Variants in MTMR7 observed in about 807,000 individuals in gnomAD.
MTMR7 encodes the protein phosphatidylinositol-3-phosphate phosphatase MTMR7.
In MTMR7, 76 loss-of-function variants were observed where a neutral mutation model predicts 81.2. The ratio of observed to expected loss-of-function variants is 0.94; its 90% confidence interval spans 0.78 to 1.13. The LOEUF (loss-of-function observed/expected upper bound fraction) is 1.13. Among genes scored for constraint, MTMR7 ranks in the 50% most tolerant of loss-of-function variants. MTMR7 has a pLI of 0.00. For synonymous variants in MTMR7, 372 were observed against 289.8 expected (o/e 1.28, Z -2.88); for missense variants, 1,044 against 820.0 (o/e 1.27, Z -3.34).
At chr8:17,397,413 C>T (rs73551365) in intron 1 of MTMR7, among the ~76,000 whole-genome samples, 17,952 of 152,034 alleles carry the variant, frequency 0.12, 1,167 homozygotes, top group African/African-American at 0.15. Flanking sequence ...GGGCTTTAAG[C>T]GAACGTCGGT....
At chr8:17,306,037 A>C in intron 10 of MTMR7, 80 bp from the exon 11 acceptor site, 1 of 1,109,844 alleles carries the variant, frequency 9.0e-7, no homozygotes. Context: ...AACAACCATA[A>C]AAGCAACCCT....
At chr8:17,339,752 G>A (rs189654740) in intron 6 of MTMR7, among the ~76,000 whole-genome samples, 113 of 152,138 alleles carry the variant, frequency 7.4e-4, no homozygotes, top group African/African-American at 2.5e-3. Context: ...ATTTCTCTTG[G>A]TTATATACCT....
rs1229199712 is a variant in MTMR7 at position 17,370,245 on chromosome 8, C to T, written c.310+792G>A. 2.6e-5 allele frequency among the ~76,000 whole-genome samples: 4 copies of T among 151,522 alleles called. No individual in the cohort carries two copies. The South Asian group carries it at 6.2e-4, about 24-fold the overall frequency. ...TTATTATCAAAAAGCAATGGAGGTG[C>T]AGGCATGGTAGTTCACTCCTGTAAT... is the stretch of plus-strand genomic sequence containing the variant. On this transcript the variant is annotated intron_variant, in intron 3 of 13. Transcript: ENST00000180173.
chr8:17,368,109 G>C (rs11785055), intron 3 of MTMR7, among the ~76,000 whole-genome samples: 2 of 152,022 alleles, frequency 1.3e-5, no homozygotes, highest in African/African-American at 4.8e-5. Context: ...GATAGTTTCA[G>C]GATGAAACTC....
intron 1 of MTMR7, among the ~76,000 whole-genome samples, chr8:17,384,927 T>C (rs943213974): frequency 6.6e-6 from 1 of 152,046 alleles, no homozygotes; most frequent in African/African-American, 2.4e-5. Flanking sequence ...TCCAAGAAAA[T>C]ATATGACACA....
chr8:17,361,806 T>C (rs1820069312), intron 3 of MTMR7, among the ~76,000 whole-genome samples: 1 of 152,186 alleles, frequency 6.6e-6, no homozygotes, highest in Admixed American at 6.5e-5. Context: ...CATCTGAACT[T>C]TAAACAACTA....
At chr8:17,308,831 C>T (rs1817632096) in intron 10 of MTMR7, among the ~76,000 whole-genome samples, 1 of 152,190 alleles carries the variant, frequency 6.6e-6, no homozygotes, top group South Asian at 2.1e-4. Context: ...CTGAAGCCTT[C>T]ATCACCACTC....
intron 1 of MTMR7, among the ~76,000 whole-genome samples, chr8:17,390,849 C>T (rs187073861): frequency 2.0e-5 from 3 of 152,188 alleles, no homozygotes; most frequent in South Asian, 2.1e-4. Context: ...GGGGAAACCA[C>T]CCCTGTGATC....
At chr8:17,381,749 C>G (rs1374126193) in intron 1 of MTMR7, among the ~76,000 whole-genome samples, 1 of 152,174 alleles carries the variant, frequency 6.6e-6, no homozygotes, top group African/African-American at 2.4e-5. Context: ...GCAGCCAAAA[C>G]CAAAGACAAG....
At chr8:17,311,770 T>G in intron 8 of MTMR7, 134 bp from the exon 9 acceptor site, 1 of 1,393,870 alleles carries the variant, frequency 7.2e-7, no homozygotes, top group Non-Finnish European at 9.8e-7. Context: ...TTCGTCTGTT[T>G]AGGGCCCCCC....
At chr8:17,353,917 G>A (rs748045913) in intron 4 of MTMR7, among the ~76,000 whole-genome samples, 1 of 152,160 alleles carries the variant, frequency 6.6e-6, no homozygotes, top group African/African-American at 2.4e-5. Flanking sequence ...CTATACGCCA[G>A]GCATTACTCT....
rs1173859266 is a variant in MTMR7, at chr8:17,298,885, TA to T, written c.*976del. On this transcript the variant is annotated 3_prime_UTR_variant, in exon 14 of 14. Coordinates refer to ENST00000180173, the MANE Select transcript of MTMR7 (RefSeq NM_004686.5). ...GATGTTACTAAGGTTAATTAAACCA[TA>T]TTAGCCAGTTACATAATTTCTAAAA... is the stretch of plus-strand genomic sequence containing the variant. The T allele has an allele frequency of 6.6e-6, 1 of 152,218 alleles. No homozygotes were observed. Among genetic ancestry groups the T allele is most frequent in the Non-Finnish European group, 1.5e-5 (1 of 68,006 alleles). 9.4% of individuals were successfully genotyped at this position (152,218 alleles called of 1,614,324 possible).
chr8:17,357,925 T>G (rs1243673730), intron 4 of MTMR7, among the ~76,000 whole-genome samples: 2 of 152,200 alleles, frequency 1.3e-5, no homozygotes, highest in Non-Finnish European at 2.9e-5. Context: ...CTTCTCTACT[T>G]TGTAGGATGA....
intron 3 of MTMR7, 40 bp downstream of exon 3, chr8:17,370,997 A>C: frequency 6.3e-7 from 1 of 1,589,154 alleles, no homozygotes; most frequent in Non-Finnish European, 8.6e-7. Context: ...CAAATTTTTA[A>C]GAGAGGTTCC....
intron 1 of MTMR7, among the ~76,000 whole-genome samples, chr8:17,384,535 T>A (rs774027195): frequency 1.3e-5 from 2 of 152,144 alleles, no homozygotes; most frequent in Non-Finnish European, 2.9e-5. Context: ...ACAGAAACAA[T>A]AGAGTATGCA....
intron 2 of MTMR7, among the ~76,000 whole-genome samples, chr8:17,371,692 AAAG>A (rs1040303063): frequency 2.6e-5 from 4 of 152,148 alleles, no homozygotes; most frequent in African/African-American, 9.7e-5. Context: ...GCAGGCTGCA[AAAG>A]AAGGGATTTA....
intron 6 of MTMR7, 90 bp downstream of exon 6, chr8:17,341,273 C>G: frequency 2.6e-6 from 4 of 1,540,784 alleles, no homozygotes; most frequent in Non-Finnish European, 3.5e-6. Context: ...ATGAAGCAAC[C>G]TGCACAAGAG....
intron 3 of MTMR7, among the ~76,000 whole-genome samples, chr8:17,369,703 T>A (rs1264966382): frequency 6.9e-6 from 1 of 145,898 alleles, no homozygotes; most frequent in Non-Finnish European, 1.5e-5. Flanking sequence ...TGGAGTGCAG[T>A]GGCAAGATCT....
At chr8:17,383,879 A>G (rs1820841263) in intron 1 of MTMR7, among the ~76,000 whole-genome samples, 1 of 152,174 alleles carries the variant, frequency 6.6e-6, no homozygotes, top group African/African-American at 2.4e-5. Context: ...GCTTTGGAGG[A>G]ACCATGCAGG....
Sources: allele counts gnomAD v4.1 joint callset (sites outside exome capture counted in the v4.1 genomes callset), GRCh38; gene constraint gnomAD v4.1.1; transcripts MANE v1.5; gene names NCBI Gene and HGNC (gene_info 2026-07-23, HGNC 2026-07-21).